The following BCAT1 variants were observed in gnomAD, a reference collection of about 807,000 sequenced individuals.
The protein encoded by BCAT1 is branched chain amino acid transaminase 1.
BCAT1 carries 48 observed loss-of-function variants against 52.4 expected under a neutral mutation model. The ratio of observed to expected loss-of-function variants is 0.92; its 90% confidence interval spans 0.73 to 1.16. The LOEUF is 1.16. BCAT1 is among the 50% of genes most tolerant of loss of function. The pLI is 0.00. For synonymous variants in BCAT1, 167 were observed against 161.3 expected, an observed-to-expected ratio of 1.04 and a Z score of -0.27; for missense variants, 451 against 457.1, an observed-to-expected ratio of 0.99 and a Z score of 0.12.
At chr12:24,935,588 T>A (rs1285536757) in intron 1 of BCAT1, among the ~76,000 whole-genome samples, 2 of 152,232 alleles carry the variant, frequency 1.3e-5, no homozygotes. Context: ...TAGCATCTTT[T>A]ACAAACCAGG....
intron 1 of BCAT1, chr12:24,903,022 C>A: frequency 1.4e-6 from 2 of 1,421,846 alleles, no homozygotes; most frequent in African/African-American, 1.5e-5. Context: ...CTGCAGAGAG[C>A]GGCAGTGGCA....
Position 24,901,881 on chromosome 12 carries a change from C to A in BCAT1, c.11G>T (p.Cys4Phe), listed in dbSNP as rs373930897. 50 of 1,613,988 alleles carry A rather than the reference C, an allele frequency of 3.1e-5. No homozygotes were observed. Among genetic ancestry groups the A allele is most frequent in the Non-Finnish European group, 4.2e-5 (49 of 1,179,886 alleles). Residue 4 changes from cysteine (C) to phenylalanine (F), a missense_variant, in exon 2 of 11, where the codon TGC becomes TTC. Transcript: ENST00000261192. The stretch of plus-strand genomic sequence containing the variant: ...ACACTCTGCGGAGCATCCGTTACTG[C>A]AATCCTTAAAGAAGAATTAAACCAC... MKD[C>F]SNGCSAECTG...
intron 5 of BCAT1, among the ~76,000 whole-genome samples, chr12:24,852,468 A>C (rs971609969): frequency 6.6e-5 from 10 of 152,214 alleles, no homozygotes; most frequent in Non-Finnish European, 1.3e-4. Flanking sequence ...TTTTCACTCC[A>C]AACTAATGTA....
At chr12:24,855,864 G>GGC (rs1941663479) in intron 5 of BCAT1, among the ~76,000 whole-genome samples, 1 of 151,724 alleles carries the variant, frequency 6.6e-6, no homozygotes, top group Non-Finnish European at 1.5e-5. Flanking sequence ...CTGGCCTCAA[G>GGC]TTACCCTCCT....
intron 3 of BCAT1, 73 bp from the exon 4 acceptor site, chr12:24,881,484 C>T (rs1237159334): frequency 2.6e-5 from 24 of 937,918 alleles, no homozygotes; most frequent in Non-Finnish European, 3.6e-5. Flanking sequence ...ACTGACTTTC[C>T]TATGGGCGTT....
In BCAT1 at chr12:24,817,972, T is replaced by C. The variant is rs781244467; in HGVS notation, c.*36A>G. On this transcript the variant is annotated 3_prime_UTR_variant, in exon 11 of 11. Transcript: ENST00000261192. The stretch of plus-strand genomic sequence containing the variant: ...GTCTGTCCCAGTAGCATACAGTTGG[T>C]ATCCTCTATTTTCCATTGTATCCTC... 7 of 1,603,258 alleles carry C rather than the reference T, an allele frequency of 4.4e-6. No homozygotes were observed. In the African/African-American group the frequency reaches 5.4e-5, roughly 12 times the overall value.
At chr12:24,856,399 T>C (rs1450698587) in intron 5 of BCAT1, among the ~76,000 whole-genome samples, 1 of 152,194 alleles carries the variant, frequency 6.6e-6, no homozygotes, top group Non-Finnish European at 1.5e-5. Context: ...ATTGTGTCCC[T>C]AAAATTCCTA....
rs1939752216 is a variant in BCAT1 at position 24,813,322 on chromosome 12, T to C, written c.*4686A>G. 6.6e-6 allele frequency: 1 copy of C among 152,016 alleles called. No individual in the cohort carries two copies. Among genetic ancestry groups the C allele is most frequent in the Non-Finnish European group, 1.5e-5 (1 of 67,896 alleles). The allele number at this position is 152,016 out of a possible 1,614,324, so 9.4% of individuals were successfully genotyped here. A position where few individuals can be genotyped will look rare whatever the true frequency, so the allele number is the denominator to read the frequency against. ...AGGGGTTTGTGGTAATGATAAAAAATTTATCTCTTTCCACACATTTAAGAC... is the reference window on the plus strand; with the variant it reads ...AGGGGTTTGTGGTAATGATAAAAAACTTATCTCTTTCCACACATTTAAGAC... On this transcript the variant is annotated 3_prime_UTR_variant, in exon 11 of 11. Coordinates refer to ENST00000261192, the MANE Select transcript of BCAT1 (RefSeq NM_005504.7).
chr12:24,933,952 A>G (rs1943716862), intron 1 of BCAT1, among the ~76,000 whole-genome samples: 1 of 152,122 alleles, frequency 6.6e-6, no homozygotes, highest in Non-Finnish European at 1.5e-5. Context: ...CTTATTATGC[A>G]CATGAATTCT....
Position 24,918,951 on chromosome 12 carries a change from C to A in BCAT1, c.7-17066G>T, listed in dbSNP as rs537390963. Reference sequence around the variant, plus strand: ...CCTCCAACTGTCTAGGCAGTGACTTCATTCTCTTTGGGTTTCCAGTGCTTA... The same window carrying A: ...CCTCCAACTGTCTAGGCAGTGACTTAATTCTCTTTGGGTTTCCAGTGCTTA... On this transcript the variant is annotated intron_variant, in intron 1 of 10. Coordinates refer to ENST00000261192, the MANE Select transcript of BCAT1 (RefSeq NM_005504.7). 7.2e-5 allele frequency among the ~76,000 whole-genome samples: 11 copies of A among 152,328 alleles called. No individual in the cohort carries two copies. In the South Asian group the frequency reaches 2.3e-3, roughly 32 times the overall value.
Position 24,880,176 on chromosome 12 carries a change from C to T in BCAT1, c.390+1125G>A, listed in dbSNP as rs574294633. ...TGGGCTAAATCCCTGAAGCTGGGCA[C>T]GGTGGCTCATGCCTGTAATCCCAGA... On this transcript the variant is annotated intron_variant, in intron 4 of 10. Transcript: ENST00000261192. Among the ~76,000 whole-genome samples the T allele has an allele frequency of 5.9e-5, 9 of 152,282 alleles. No homozygotes were observed. In the East Asian group the frequency reaches 1.3e-3, roughly 23 times the overall value.
chr12:24,879,994 G>A (rs557924409), intron 4 of BCAT1, among the ~76,000 whole-genome samples: 7 of 152,264 alleles, frequency 4.6e-5, no homozygotes, highest in East Asian at 1.9e-4. Context: ...GAAGAAGAGC[G>A]AAACTATGCC....
At chr12:24,903,260 GCC>G (rs1943166472) in intron 1 of BCAT1, 12 of 524,624 alleles carry the variant, frequency 2.3e-5, no homozygotes, top group Non-Finnish European at 2.9e-5. Context: ...GCTTGCGGAG[GCC>G]CGAGAATGCG....
chr12:24,818,143 A>G (rs1939955281), intron 10 of BCAT1, 94 bp from the exon 11 acceptor site: 1 of 1,267,112 alleles, frequency 7.9e-7, no homozygotes, highest in African/African-American at 1.5e-5. Context: ...GTTACACAAA[A>G]GGTTCGCTTC....
At chr12:24,834,762 G>A in intron 8 of BCAT1, 9 of 1,151,142 alleles carry the variant, frequency 7.8e-6, no homozygotes, top group Non-Finnish European at 9.8e-6. Flanking sequence ...TAAATGAACT[G>A]CAGAAAATCA....
chr12:24,914,712 G>A (rs1216002630), intron 1 of BCAT1, among the ~76,000 whole-genome samples: 1 of 152,206 alleles, frequency 6.6e-6, no homozygotes, highest in African/African-American at 2.4e-5. Context: ...CCATACATCA[G>A]CTGACATGAA....
chr12:24,839,681 T>G (rs1941115371), intron 7 of BCAT1, among the ~76,000 whole-genome samples: 1 of 152,176 alleles, frequency 6.6e-6, no homozygotes, highest in African/African-American at 2.4e-5. Context: ...TCCACCTTCC[T>G]GCACCAGCCA....
Position 24,811,201 on chromosome 12 carries a change from T to C in BCAT1, c.*6807A>G, listed in dbSNP as rs543499257. 7.9e-5 allele frequency: 12 copies of C among 152,344 alleles called. No individual in the cohort carries two copies. Among genetic ancestry groups the C allele is most frequent in the African/African-American group, 2.9e-4 (12 of 41,592 alleles). 9.4% of individuals were successfully genotyped at this position (152,344 alleles called of 1,614,324 possible). ...AATCTCTATCCAGTGGTGTGGTTTC[T>C]GGTCTTTCTGGTGTGCTCAATTCTC... is the stretch of plus-strand genomic sequence containing the variant. On this transcript the variant is annotated 3_prime_UTR_variant, in exon 11 of 11. Transcript: ENST00000261192.
At chr12:24,893,199 A>G (rs1422482711) in intron 3 of BCAT1, among the ~76,000 whole-genome samples, 2 of 152,162 alleles carry the variant, frequency 1.3e-5, no homozygotes, top group Non-Finnish European at 2.9e-5. Context: ...AACTCTTCTG[A>G]GCCTCCTTTT....
Sources: gnomAD v4.1 joint callset for allele counts (sites outside exome capture counted in the v4.1 genomes callset) on GRCh38, gnomAD v4.1.1 for gene constraint, MANE v1.5 for transcripts, NCBI Gene and HGNC (gene_info 2026-07-23, HGNC 2026-07-21) for gene names.